The following RNF175 variants were observed in gnomAD, a reference collection of about 807,000 sequenced individuals.
The protein encoded by RNF175 is ring finger protein 175.
In RNF175, 38 loss-of-function variants were observed where a neutral mutation model predicts 50.0. The observed-to-expected ratio is 0.76, with a 90% CI of 0.59 to 1.00. The LOEUF (loss-of-function observed/expected upper bound fraction) is 1.00. Among genes scored for constraint, RNF175 ranks in the 50% least tolerant of loss-of-function variants. RNF175 has a pLI of 0.00. For synonymous variants in RNF175, 155 were observed against 146.1 expected, an observed-to-expected ratio of 1.06 and a Z score of -0.44; for missense variants, 388 against 409.6, an observed-to-expected ratio of 0.95 and a Z score of 0.46.
chr4:153,718,222 G>GTTGTTTTTT (rs1738082688), intron 6 of RNF175, among the ~76,000 whole-genome samples: 1 of 37,540 alleles, frequency 2.7e-5, no homozygotes, highest in Non-Finnish European at 7.1e-5. Flanking sequence ...TTTTTTGTTT[G>GTTGTTTTTT]TTTGTTTGTT....
At chr4:153,712,208 G>A (rs369356735) in intron 8 of RNF175, among the ~76,000 whole-genome samples, 1 of 151,906 alleles carries the variant, frequency 6.6e-6, no homozygotes, top group African/African-American at 2.4e-5. Context: ...TTTTTGCAGT[G>A]TCTCATCACA....
chr4:153,746,017 C>T (rs545359670), intron 3 of RNF175, among the ~76,000 whole-genome samples: 1 of 152,300 alleles, frequency 6.6e-6, no homozygotes, highest in East Asian at 1.9e-4. Context: ...TCCCAATTGC[C>T]CCTAGGTCTT....
intron 2 of RNF175, among the ~76,000 whole-genome samples, chr4:153,749,881 A>G (rs1434416846): frequency 1.3e-5 from 2 of 152,204 alleles, no homozygotes; most frequent in Admixed American, 1.3e-4. Flanking sequence ...TTGGACTTTC[A>G]GCCTCCAGAA....
At chr4:153,737,884 A>G (rs1351020026) in intron 3 of RNF175, among the ~76,000 whole-genome samples, 1 of 152,214 alleles carries the variant, frequency 6.6e-6, no homozygotes, top group Non-Finnish European at 1.5e-5. Context: ...TCCATCAACT[A>G]CTAAAAGATG....
At chr4:153,734,967 T>A (rs1272329433) in intron 3 of RNF175, among the ~76,000 whole-genome samples, 1 of 152,122 alleles carries the variant, frequency 6.6e-6, no homozygotes, top group Non-Finnish European at 1.5e-5. Flanking sequence ...TGAGCCACCA[T>A]GCCTGGCCTC....
intron 3 of RNF175, among the ~76,000 whole-genome samples, chr4:153,738,911 C>A (rs1739496164): frequency 6.6e-6 from 1 of 152,062 alleles, no homozygotes; most frequent in Non-Finnish European, 1.5e-5. Context: ...GTGGTTTCTC[C>A]AGAGTTGCAA....
intron 3 of RNF175, among the ~76,000 whole-genome samples, chr4:153,747,061 C>T (rs1740017202): frequency 1.3e-5 from 2 of 152,140 alleles, no homozygotes; most frequent in African/African-American, 2.4e-5. Flanking sequence ...GGGAGTCACC[C>T]CAAACCATTC....
At chr4:153,715,295 C>A in intron 7 of RNF175, 1 of 570,236 alleles carries the variant, frequency 1.8e-6, no homozygotes, top group Non-Finnish European at 3.2e-6. Context: ...GTCTATGTGG[C>A]ATTAACAGTC....
At chr4:153,716,994 CTCT>C (rs1737973701) in intron 6 of RNF175, among the ~76,000 whole-genome samples, 1 of 152,168 alleles carries the variant, frequency 6.6e-6, no homozygotes, top group Non-Finnish European at 1.5e-5. Context: ...GGCAAACTGA[CTCT>C]AAAATGTAAT....
intron 5 of RNF175, 166 bp from the exon 6 acceptor site, chr4:153,720,470 C>G: frequency 1.7e-6 from 1 of 577,922 alleles, no homozygotes; most frequent in Non-Finnish European, 3.0e-6. Context: ...TTAAAATCCT[C>G]TGAATTTCCC....
chr4:153,726,121 T>C (rs988244263), intron 4 of RNF175, among the ~76,000 whole-genome samples: 2 of 152,072 alleles, frequency 1.3e-5, no homozygotes, highest in Non-Finnish European at 2.9e-5. Flanking sequence ...TTGTTTTGTT[T>C]TTGAGGTGGA....
intron 3 of RNF175, among the ~76,000 whole-genome samples, chr4:153,736,577 G>A (rs527724081): frequency 2.0e-5 from 3 of 152,174 alleles, no homozygotes; most frequent in African/African-American, 4.8e-5. Flanking sequence ...AGAGATTGTA[G>A]AGAACTGGTA....
chr4:153,759,973 C>A lies in RNF175; in HGVS notation c.-111G>T. The A allele has an allele frequency of 1.7e-6, 1 of 602,288 alleles. No homozygotes were observed. Among genetic ancestry groups the A allele is most frequent in the Non-Finnish European group, 2.5e-6 (1 of 403,742 alleles). The allele number at this position is 602,288 out of a possible 1,614,324, so 37.3% of individuals were successfully genotyped here. On this transcript the variant is annotated 5_prime_UTR_variant, in exon 1 of 9. Transcript: ENST00000347063. ...CGGGAGCCGAGGGTGAGAGCCGGAT[C>A]TGCGGCGGCGGCGGAGCGGCGGCCC...
intron 3 of RNF175, among the ~76,000 whole-genome samples, chr4:153,739,357 G>C: frequency 6.7e-6 from 1 of 149,720 alleles, no homozygotes; most frequent in Non-Finnish European, 1.5e-5. Flanking sequence ...GGAGGCGACG[G>C]GTACAGTGAG....
intron 7 of RNF175, chr4:153,713,638 G>A (rs955989501): frequency 6.6e-6 from 1 of 152,218 alleles, no homozygotes. Flanking sequence ...AAATGGAGGA[G>A]CTTGGAGGTG....
intron 3 of RNF175, among the ~76,000 whole-genome samples, chr4:153,733,263 C>G (rs1579069081): frequency 6.6e-6 from 1 of 152,202 alleles, no homozygotes; most frequent in Admixed American, 6.5e-5. Context: ...AAATAATAAT[C>G]CTTTATAATG....
chr4:153,727,490 A>G (rs1738767224), intron 4 of RNF175: 1 of 152,262 alleles, frequency 6.6e-6, no homozygotes, highest in Non-Finnish European at 1.5e-5. Context: ...ATAATCATAA[A>G]AGTATTTCAC....
At chr4:153,712,692 C>T (rs879926846) in intron 7 of RNF175, 116 bp from the exon 8 acceptor site, 28 of 707,334 alleles carry the variant, frequency 4.0e-5, no homozygotes, top group Non-Finnish European at 6.2e-5. Flanking sequence ...TGATGAGGCA[C>T]ATCGCTTTTT....
At position 153,758,771 on chromosome 4, in the gene RNF175, T is replaced by C. The variant is rs554945061; in HGVS notation, c.66+1026A>G. On this transcript the variant is annotated intron_variant, in intron 1 of 8. Coordinates refer to ENST00000347063, the MANE Select transcript of RNF175 (RefSeq NM_173662.4). The stretch of plus-strand genomic sequence containing the variant: ...CTTGTCCCATGGCCATCCATCCCAA[T>C]ATTAAAAAAAAAAAAATCTCCAAGC... Among the ~76,000 whole-genome samples, 73 of 150,636 alleles carry C rather than the reference T, an allele frequency of 4.8e-4. 1 individual carries two copies. The highest frequency in any genetic ancestry group is 1.7e-3 in the African/African-American group (68 of 40,934).
Sources: allele counts gnomAD v4.1 joint callset (sites outside exome capture counted in the v4.1 genomes callset), GRCh38; gene constraint gnomAD v4.1.1; transcripts MANE v1.5; gene names NCBI Gene and HGNC (gene_info 2026-07-23, HGNC 2026-07-21).